PDZD2: variants seen among roughly 807,000 people sequenced by gnomAD.
PDZD2 encodes the protein PDZ domain-containing protein 2.
A neutral mutation model predicts 220.7 loss-of-function variants in PDZD2; 90 were observed. That is an observed-to-expected ratio of 0.41 (90% CI 0.34 to 0.49). PDZD2 has a LOEUF of 0.49. Ranked by LOEUF, PDZD2 falls within the 20% of genes least tolerant of loss-of-function variation. The pLI is 0.28. For synonymous variants in PDZD2, 1,375 were observed against 1,450.5 expected (o/e 0.95, Z 1.18); for missense variants, 3,174 against 3,608.5 (o/e 0.88, Z 3.08).
At position 32,010,470 on chromosome 5, in the gene PDZD2, T is replaced by C. The variant is rs1390591603; in HGVS notation, c.1395T>C (p.Ser465=). 1.2e-6 allele frequency: 2 copies of C among 1,610,850 alleles called. No homozygotes were observed. Among genetic ancestry groups the C allele is most frequent in the Admixed American group, 3.3e-5 (2 of 59,896 alleles). ...DGEEDEGTSS[S]VQRAMPGTDE... ...AAGAGGACGAAGGAACCAGCTCTTC[T>C]GTCCAGAGAGCAGTAAGTGGCTCTG... The change falls in exon 6 of 25, where the codon TCT becomes TCC. Residue 465 remains serine, a synonymous_variant. Coordinates refer to ENST00000438447, the MANE Select transcript of PDZD2 (RefSeq NM_178140.4).
At chr5:31,970,711 C>CT (rs1379362353) in intron 2 of PDZD2, among the ~76,000 whole-genome samples, 4 of 152,048 alleles carry the variant, frequency 2.6e-5, no homozygotes, top group African/African-American at 9.7e-5. Context: ...CATGGGTTCT[C>CT]TAAGACACCA....
At chr5:31,664,591 T>C (rs993140300) in intron 1 of PDZD2, among the ~76,000 whole-genome samples, 3 of 152,166 alleles carry the variant, frequency 2.0e-5, no homozygotes, top group Non-Finnish European at 1.5e-5. Flanking sequence ...CCCGGCTGTC[T>C]TGTGATTCAT....
chr5:31,971,315 C>T (rs1198178420), intron 2 of PDZD2, among the ~76,000 whole-genome samples: 1 of 152,162 alleles, frequency 6.6e-6, no homozygotes, highest in Non-Finnish European at 1.5e-5. Flanking sequence ...GCTGTGTCCT[C>T]TTACAGTAGG....
intron 1 of PDZD2, among the ~76,000 whole-genome samples, chr5:31,704,976 C>T (rs1353491645): frequency 2.6e-5 from 4 of 152,132 alleles, no homozygotes; most frequent in Non-Finnish European, 2.9e-5. Context: ...ACCTGGCCAA[C>T]GTGGTAAAAC....
intron 8 of PDZD2, among the ~76,000 whole-genome samples, chr5:32,048,994 G>A (rs1038934646): frequency 2.9e-4 from 44 of 152,284 alleles, no homozygotes; most frequent in African/African-American, 1.1e-3. Flanking sequence ...AGCACTGCTC[G>A]ATTAATAGGA....
At chr5:31,795,082 C>T (rs929544576) in intron 1 of PDZD2, among the ~76,000 whole-genome samples, 3 of 152,176 alleles carry the variant, frequency 2.0e-5, no homozygotes, top group Non-Finnish European at 4.4e-5. Context: ...GTTCTCAACC[C>T]TTTTATTGTC....
chr5:31,929,712 T>C (rs1745083704), intron 2 of PDZD2, among the ~76,000 whole-genome samples: 1 of 151,050 alleles, frequency 6.6e-6, no homozygotes, highest in Admixed American at 6.6e-5. Context: ...ATCAGCCGGG[T>C]GTGGTGCTGG....
intron 3 of PDZD2, among the ~76,000 whole-genome samples, chr5:31,985,543 C>T (rs967085377): frequency 2.6e-5 from 4 of 151,880 alleles, no homozygotes; most frequent in African/African-American, 9.7e-5. Flanking sequence ...AAATACAAAA[C>T]TTAGGTGGGC....
At chr5:31,996,886 A>G (rs1025518639) in intron 4 of PDZD2, among the ~76,000 whole-genome samples, 2 of 152,212 alleles carry the variant, frequency 1.3e-5, no homozygotes, top group South Asian at 2.1e-4. Flanking sequence ...CTCTGTCTCA[A>G]AAAAACAAAC....
chr5:31,872,462 C>T (rs1051935525), intron 2 of PDZD2, among the ~76,000 whole-genome samples: 7 of 152,168 alleles, frequency 4.6e-5, no homozygotes, highest in Admixed American at 4.6e-4. Context: ...CTAGGAAACA[C>T]ACATCCAACA....
intron 2 of PDZD2, among the ~76,000 whole-genome samples, chr5:31,816,966 G>A (rs985016281): frequency 1.3e-5 from 2 of 150,784 alleles, no homozygotes; most frequent in Non-Finnish European, 3.0e-5. Context: ...GACGGATCAC[G>A]AGGTTAGGAG....
At chr5:31,937,290 A>G (rs542272961) in intron 2 of PDZD2, among the ~76,000 whole-genome samples, 1 of 152,266 alleles carries the variant, frequency 6.6e-6, no homozygotes. Context: ...TTGGGCTAAC[A>G]TGGAGGAGGT....
intron 1 of PDZD2, among the ~76,000 whole-genome samples, chr5:31,779,556 G>A (rs1366298281): frequency 2.0e-5 from 3 of 151,712 alleles, no homozygotes; most frequent in African/African-American, 7.3e-5. Context: ...TGTATTTTTA[G>A]TAGAGACGGG....
intron 2 of PDZD2, among the ~76,000 whole-genome samples, chr5:31,947,882 G>A (rs1039902678): frequency 1.3e-5 from 2 of 151,960 alleles, no homozygotes; most frequent in African/African-American, 2.4e-5. Flanking sequence ...AGAAGTAGGG[G>A]AGGGAAAGAG....
Position 31,797,065 on chromosome 5 carries a change from C to T in PDZD2, c.-360-1824C>T, listed in dbSNP as rs1754081029. On this transcript the variant is annotated intron_variant, in intron 1 of 24. Transcript: ENST00000438447. ...GCCTCAGCCTCCCGAGTAGCTGGCACCACAGGCGCCCGCCACCACACCCAG... is the reference window on the plus strand; with the variant it reads ...GCCTCAGCCTCCCGAGTAGCTGGCATCACAGGCGCCCGCCACCACACCCAG... Among the ~76,000 whole-genome samples the T allele has an allele frequency of 3.3e-5, 5 of 149,756 alleles. No individual in the cohort carries two copies. In the South Asian group the frequency reaches 1.1e-3, roughly 32 times the overall value.
intron 2 of PDZD2, among the ~76,000 whole-genome samples, chr5:31,934,301 C>T (rs1218420620): frequency 6.6e-6 from 1 of 152,034 alleles, no homozygotes; most frequent in African/African-American, 2.4e-5. Context: ...AGGTGAGTTC[C>T]AGGAAGTTAC....
intron 6 of PDZD2, among the ~76,000 whole-genome samples, chr5:32,028,679 T>G (rs79141314): frequency 2.3e-5 from 3 of 128,458 alleles, no homozygotes; most frequent in African/African-American, 9.9e-5. Context: ...TTTTTTGTTT[T>G]TTTTGTTTTT....
intron 1 of PDZD2, among the ~76,000 whole-genome samples, chr5:31,693,175 G>A (rs1229241409): frequency 1.3e-5 from 2 of 151,766 alleles, no homozygotes; most frequent in East Asian, 3.9e-4. Flanking sequence ...GTCTGGGTGT[G>A]GGGGTGGGAG....
intron 1 of PDZD2, among the ~76,000 whole-genome samples, chr5:31,764,822 A>G (rs1475046489): frequency 6.6e-6 from 1 of 152,202 alleles, no homozygotes; most frequent in East Asian, 1.9e-4. Flanking sequence ...CACACCTGTT[A>G]TCCCAGCACT....
Sources: allele counts gnomAD v4.1 joint callset (sites outside exome capture counted in the v4.1 genomes callset), GRCh38; gene constraint gnomAD v4.1.1; transcripts MANE v1.5; gene names NCBI Gene and HGNC (gene_info 2026-07-23, HGNC 2026-07-21).